Variants in VTI1A observed in about 807,000 individuals in gnomAD.
The protein encoded by VTI1A is vesicle transport through interaction with t-SNAREs 1A.
VTI1A carries 22 observed loss-of-function variants against 34.9 expected under a neutral mutation model. The ratio of observed to expected loss-of-function variants is 0.63; its 90% confidence interval spans 0.45 to 0.90. The LOEUF is 0.90. Ranked by LOEUF, VTI1A falls within the 40% of genes least tolerant of loss-of-function variation. The probability of loss-of-function intolerance (pLI) is 0.00; values close to 1 mark genes in which losing one functional copy is unlikely to be tolerated. For missense variants in VTI1A, 268 were observed against 275.6 expected, an observed-to-expected ratio of 0.97 and a Z score of 0.20; for synonymous variants, 87 against 97.3, an observed-to-expected ratio of 0.89 and a Z score of 0.62.
intron 5 of VTI1A, among the ~76,000 whole-genome samples, chr10:112,559,001 A>C (rs1851627895): frequency 6.6e-6 from 1 of 152,238 alleles, no homozygotes. Flanking sequence ...GTTTCTTTGA[A>C]GCCTACCAGG....
At chr10:112,780,112 T>TAAAAAAAAA (rs773277515) in intron 7 of VTI1A, among the ~76,000 whole-genome samples, 1 of 111,488 alleles carries the variant, frequency 9.0e-6, no homozygotes, top group Non-Finnish European at 1.9e-5. Flanking sequence ...CCTTGTCTCT[T>TAAAAAAAAA]AAAAAAAAAA....
intron 7 of VTI1A, among the ~76,000 whole-genome samples, chr10:112,758,453 A>G (rs1055281967): frequency 1.3e-5 from 2 of 152,156 alleles, no homozygotes; most frequent in African/African-American, 2.4e-5. Flanking sequence ...ACCATCCTAG[A>G]CCTGCTAAAT....
At chr10:112,564,409 G>T (rs1222318539) in intron 5 of VTI1A, among the ~76,000 whole-genome samples, 1 of 151,098 alleles carries the variant, frequency 6.6e-6, no homozygotes, top group Non-Finnish European at 1.5e-5. Context: ...ATGTCAAATT[G>T]ATCAGACTTC....
At chr10:112,646,467 A>G (rs1159786418) in intron 5 of VTI1A, among the ~76,000 whole-genome samples, 1 of 151,992 alleles carries the variant, frequency 6.6e-6, no homozygotes, top group Non-Finnish European at 1.5e-5. Context: ...ACATCAGGAA[A>G]TGTGAATTGT....
At chr10:112,758,259 C>T (rs939142449) in intron 7 of VTI1A, among the ~76,000 whole-genome samples, 2 of 152,074 alleles carry the variant, frequency 1.3e-5, no homozygotes, top group Admixed American at 6.5e-5. Flanking sequence ...CAGATTTTCT[C>T]AAAACCCCCA....
intron 7 of VTI1A, 149 bp from the exon 8 acceptor site, chr10:112,815,140 CA>C: frequency 5.1e-6 from 1 of 195,910 alleles, no homozygotes; most frequent in African/African-American, 6.7e-5. Context: ...TTCGCGCGCG[CA>C]CACACACACA....
intron 7 of VTI1A, among the ~76,000 whole-genome samples, chr10:112,678,401 CTATT>C (rs1848101938): frequency 6.6e-6 from 1 of 152,152 alleles, no homozygotes. Context: ...TTGTAAATGG[CTATT>C]TATTAACATA....
chr10:112,779,298 G>A (rs1852044084), intron 7 of VTI1A, among the ~76,000 whole-genome samples: 1 of 152,148 alleles, frequency 6.6e-6, no homozygotes, highest in Non-Finnish European at 1.5e-5. Context: ...TTTACTAGAC[G>A]CTAAGAAGTC....
chr10:112,659,016 G>T (rs1318566060), intron 5 of VTI1A, among the ~76,000 whole-genome samples: 1 of 152,220 alleles, frequency 6.6e-6, no homozygotes, highest in Non-Finnish European at 1.5e-5. Context: ...AGCAATGTGT[G>T]CAGAGTTCAC....
chr10:112,510,142 A>T (rs1849557172), intron 3 of VTI1A, among the ~76,000 whole-genome samples: 1 of 152,220 alleles, frequency 6.6e-6, no homozygotes, highest in Non-Finnish European at 1.5e-5. Context: ...GCACATGTCT[A>T]CCTGAAAGTG....
chr10:112,522,108 T>C (rs1466180661), intron 3 of VTI1A, among the ~76,000 whole-genome samples: 1 of 152,128 alleles, frequency 6.6e-6, no homozygotes, highest in African/African-American at 2.4e-5. Context: ...CTAATCAATA[T>C]AATTTCATGG....
intron 5 of VTI1A, among the ~76,000 whole-genome samples, chr10:112,563,356 A>G: frequency 6.6e-6 from 1 of 152,220 alleles, no homozygotes; most frequent in East Asian, 1.9e-4. Context: ...GACCACCTTC[A>G]TCCTTGATGG....
intron 3 of VTI1A, among the ~76,000 whole-genome samples, chr10:112,469,807 C>T (rs1433988919): frequency 6.6e-6 from 1 of 152,200 alleles, no homozygotes; most frequent in Admixed American, 6.5e-5. Flanking sequence ...CAGCCAAAGA[C>T]TTAGGGGACC....
intron 7 of VTI1A, among the ~76,000 whole-genome samples, chr10:112,730,498 T>C (rs2133956654): frequency 6.6e-6 from 1 of 152,330 alleles, no homozygotes; most frequent in East Asian, 1.9e-4. Flanking sequence ...CCTCCTGCAG[T>C]TCACTGACAC....
intron 5 of VTI1A, among the ~76,000 whole-genome samples, chr10:112,544,184 A>C (rs543746866): frequency 6.6e-6 from 1 of 152,162 alleles, no homozygotes; most frequent in African/African-American, 2.4e-5. Context: ...TTCCATATGA[A>C]CTTTAAAGTA....
At chr10:112,691,658 A>G (rs1207546261) in intron 7 of VTI1A, among the ~76,000 whole-genome samples, 2 of 152,226 alleles carry the variant, frequency 1.3e-5, no homozygotes, top group Non-Finnish European at 2.9e-5. Context: ...GGCATGCACA[A>G]AACCATCACT....
intron 4 of VTI1A, among the ~76,000 whole-genome samples, chr10:112,537,296 T>C (rs1180871337): frequency 5.7e-5 from 8 of 139,864 alleles, no homozygotes; most frequent in African/African-American, 2.1e-4. Context: ...CATTTATATA[T>C]TTCTAAGTAT....
At chr10:112,617,691 GC>G (rs1845557093) in intron 5 of VTI1A, among the ~76,000 whole-genome samples, 1 of 151,932 alleles carries the variant, frequency 6.6e-6, no homozygotes. Flanking sequence ...TGTTGCATAT[GC>G]ATGGTAAAAT....
intron 3 of VTI1A, among the ~76,000 whole-genome samples, chr10:112,490,506 G>C (rs1441740797): frequency 6.6e-6 from 1 of 152,038 alleles, no homozygotes; most frequent in Non-Finnish European, 1.5e-5. Context: ...TTGTGTAGGA[G>C]TTGTATTAAA....
Sources: allele counts gnomAD v4.1 joint callset (sites outside exome capture counted in the v4.1 genomes callset), GRCh38; gene constraint gnomAD v4.1.1; transcripts MANE v1.5; gene names NCBI Gene and HGNC (gene_info 2026-07-23, HGNC 2026-07-21).